Variants in EIF2S2 observed in about 807,000 individuals in gnomAD.
The protein encoded by EIF2S2 is eukaryotic translation initiation factor 2 subunit 2.
Under a neutral mutation model 44.0 loss-of-function variants are expected in EIF2S2, and 4 were observed. The ratio of observed to expected loss-of-function variants is 0.09; its 90% CI spans 0.04 to 0.21. The LOEUF (loss-of-function observed/expected upper bound fraction) is 0.21. Ranked by LOEUF, EIF2S2 falls within the 10% of genes least tolerant of loss-of-function variation. The probability of loss-of-function intolerance (pLI) is 1.00; values close to 1 mark genes in which losing one functional copy is unlikely to be tolerated. For missense variants in EIF2S2, 154 were observed against 392.0 expected (o/e 0.39, Z 5.13); for synonymous variants, 108 against 128.3 (o/e 0.84, Z 1.07).
intron 1 of EIF2S2, among the ~76,000 whole-genome samples, chr20:34,107,046 C>T (rs1162073359): frequency 6.6e-6 from 1 of 151,898 alleles, no homozygotes; most frequent in African/African-American, 2.4e-5. Flanking sequence ...CAGAAGGTGG[C>T]GGGTGCCTGT....
chr20:34,110,115 A>C (rs921820771), intron 1 of EIF2S2, among the ~76,000 whole-genome samples: 1 of 142,826 alleles, frequency 7.0e-6, no homozygotes, highest in Non-Finnish European at 1.5e-5. Context: ...AAAAAAAAAA[A>C]CAGAAATATG....
At chr20:34,093,619 A>G in intron 7 of EIF2S2, 56 bp downstream of exon 7, 1 of 1,454,958 alleles carries the variant, frequency 6.9e-7, no homozygotes, top group South Asian at 1.3e-5. Context: ...CCTTTTCAAG[A>G]AAGGTTCTTA....
intron 7 of EIF2S2, among the ~76,000 whole-genome samples, chr20:34,092,366 G>A (rs1276931303): frequency 6.6e-6 from 1 of 152,160 alleles, no homozygotes; most frequent in Non-Finnish European, 1.5e-5. Flanking sequence ...AATAACGATG[G>A]TAACAAATTT....
chr20:34,093,155 G>C (rs938699939), intron 7 of EIF2S2, among the ~76,000 whole-genome samples: 2 of 152,118 alleles, frequency 1.3e-5, no homozygotes, highest in Non-Finnish European at 2.9e-5. Context: ...CATTGGCATG[G>C]GGTCCATGAG....
intron 7 of EIF2S2, among the ~76,000 whole-genome samples, chr20:34,092,574 A>C (rs938337356): frequency 2.0e-5 from 3 of 152,218 alleles, no homozygotes; most frequent in Non-Finnish European, 4.4e-5. Flanking sequence ...AGGCTGAGGC[A>C]GGAGAATGGC....
intron 7 of EIF2S2, among the ~76,000 whole-genome samples, chr20:34,092,184 T>G (rs1160809339): frequency 6.6e-6 from 1 of 152,224 alleles, no homozygotes; most frequent in Non-Finnish European, 1.5e-5. Flanking sequence ...TTTCATTCAC[T>G]GTCAAAATAA....
chr20:34,098,744 T>A (rs1045608938), intron 3 of EIF2S2, 111 bp from the exon 4 acceptor site: 7 of 1,314,314 alleles, frequency 5.3e-6, no homozygotes, highest in Non-Finnish European at 7.1e-6. Flanking sequence ...CTCAGGCTAG[T>A]CTCAAACTCC....
At chr20:34,112,067 T>G in intron 1 of EIF2S2, 29 bp downstream of exon 1, 1 of 1,533,774 alleles carries the variant, frequency 6.5e-7, no homozygotes, top group Non-Finnish European at 8.8e-7. Flanking sequence ...CCTCAATCCT[T>G]AGCCCTTACG....
chr20:34,097,336 C>G (rs1406676839), intron 5 of EIF2S2, 80 bp downstream of exon 5: 2 of 1,210,326 alleles, frequency 1.7e-6, no homozygotes, highest in African/African-American at 3.0e-5. Context: ...CTTCAACGGC[C>G]GTTCCAATAA....
intron 1 of EIF2S2, among the ~76,000 whole-genome samples, chr20:34,109,506 A>T (rs1317742065): frequency 6.6e-6 from 1 of 152,074 alleles, no homozygotes; most frequent in African/African-American, 2.4e-5. Context: ...TACAAAAATT[A>T]AAAAATTAGC....
intron 6 of EIF2S2, among the ~76,000 whole-genome samples, chr20:34,094,593 G>A (rs2034205851): frequency 6.6e-6 from 1 of 151,762 alleles, no homozygotes; most frequent in African/African-American, 2.4e-5. Flanking sequence ...GTCTAGAAGG[G>A]TTCCATGGTA....
intron 6 of EIF2S2, among the ~76,000 whole-genome samples, chr20:34,095,947 C>G (rs539389566): frequency 2.2e-4 from 33 of 152,174 alleles, no homozygotes; most frequent in Non-Finnish European, 4.0e-4. Flanking sequence ...CATTCCCAGA[C>G]AGTAACCCAG....
At chr20:34,101,180 C>G (rs949917566) in intron 3 of EIF2S2, among the ~76,000 whole-genome samples, 2 of 152,230 alleles carry the variant, frequency 1.3e-5, no homozygotes, top group African/African-American at 4.8e-5. Context: ...CGCAGTGGCT[C>G]ACACCTGTCA....
At chr20:34,097,347 G>T in intron 5 of EIF2S2, 69 bp downstream of exon 5, 2 of 1,344,858 alleles carry the variant, frequency 1.5e-6, no homozygotes, top group Non-Finnish European at 2.1e-6. Flanking sequence ...GTTCCAATAA[G>T]ATTTATCTTG....
At position 34,089,427 on chromosome 20, in the gene EIF2S2, C is replaced by A; in HGVS notation, c.*303G>T. The A allele has an allele frequency of 3.5e-6, 1 of 284,536 alleles. No individual in the cohort carries two copies. Among genetic ancestry groups the A allele is most frequent in the Admixed American group, 5.2e-5 (1 of 19,118 alleles). The allele number at this position is 284,536 out of a possible 1,614,324, so 17.6% of individuals were successfully genotyped here. A position where few individuals can be genotyped will look rare whatever the true frequency, so the allele number is the denominator to read the frequency against. ...TAGAAAAGAAAACTGAAGGACAAACCAAATTGAAAGAATCACTGTTATAAT... is the reference window on the plus strand; with the variant it reads ...TAGAAAAGAAAACTGAAGGACAAACAAAATTGAAAGAATCACTGTTATAAT... On this transcript the variant is annotated 3_prime_UTR_variant, in exon 9 of 9. Coordinates refer to ENST00000374980, the MANE Select transcript of EIF2S2 (RefSeq NM_003908.5).
intron 1 of EIF2S2, among the ~76,000 whole-genome samples, chr20:34,110,464 G>C (rs545536883): frequency 6.6e-6 from 1 of 152,146 alleles, no homozygotes; most frequent in South Asian, 2.1e-4. Flanking sequence ...AATCTCCCTC[G>C]GCCCTGGTTT....
chr20:34,104,985 C>T (rs2034332161), intron 2 of EIF2S2, among the ~76,000 whole-genome samples: 1 of 152,190 alleles, frequency 6.6e-6, no homozygotes, highest in Non-Finnish European at 1.5e-5. Flanking sequence ...ACCCCAAATA[C>T]TTTAGGCTAT....
intron 6 of EIF2S2, among the ~76,000 whole-genome samples, chr20:34,094,658 A>C (rs2034206484): frequency 6.6e-6 from 1 of 152,158 alleles, no homozygotes. Flanking sequence ...GGAGTGGTTA[A>C]ATAAATCCAT....
In EIF2S2 at chr20:34,089,439, AT is replaced by A. The variant is rs2034136280; in HGVS notation, c.*290del. On this transcript the variant is annotated 3_prime_UTR_variant, in exon 9 of 9. Coordinates refer to ENST00000374980, the MANE Select transcript of EIF2S2 (RefSeq NM_003908.5). ...CTGAAGGACAAACCAAATTGAAAGA[AT>A]CACTGTTATAATAACTTTAATTTAT... 1 of 320,208 alleles carries A rather than the reference AT, an allele frequency of 3.1e-6. No homozygotes were observed. Among genetic ancestry groups the A allele is most frequent in the Admixed American group, 5.0e-5 (1 of 20,198 alleles). 19.8% of individuals were successfully genotyped at this position (320,208 alleles called of 1,614,324 possible).
Sources: gnomAD v4.1 joint callset for allele counts (sites outside exome capture counted in the v4.1 genomes callset) on GRCh38, gnomAD v4.1.1 for gene constraint, MANE v1.5 for transcripts, NCBI Gene and HGNC (gene_info 2026-07-23, HGNC 2026-07-21) for gene names.